Variants in ACP7 observed in about 807,000 individuals in gnomAD.
The protein encoded by ACP7 is acid phosphatase 7, tartrate resistant (putative), also known as acid phosphatase type 7.
A neutral mutation model predicts 60.6 loss-of-function variants in ACP7; 58 were observed. That is an observed-to-expected ratio of 0.96 (90% CI 0.77 to 1.19). The LOEUF (loss-of-function observed/expected upper bound fraction) is 1.19, where lower values mean the gene tolerates loss of function less well. Among genes scored for constraint, ACP7 ranks in the 50% most tolerant of loss-of-function variants. The pLI is 0.00. For synonymous variants in ACP7, 237 were observed against 232.6 expected, an observed-to-expected ratio of 1.02 and a Z score of -0.17; for missense variants, 574 against 596.2, an observed-to-expected ratio of 0.96 and a Z score of 0.39.
At chr19:39,098,222 C>G (rs1176584574) in intron 2 of ACP7, among the ~76,000 whole-genome samples, 1 of 133,416 alleles carries the variant, frequency 7.5e-6, no homozygotes, top group African/African-American at 2.8e-5. Context: ...CCACTGTACT[C>G]CAGCCTAGGA....
rs769646403 is a variant in ACP7, at chr19:39,100,831, G to T, written c.785G>T (p.Arg262Leu). ...YGRHLVQRQF[R>L]WLESDLQKAN... Reference sequence around the variant, plus strand: ...CGCCACTTGGTACAGAGGCAGTTTCGCTGGCTGGAGAGCGACCTCCAGGTA... The same window carrying T: ...CGCCACTTGGTACAGAGGCAGTTTCTCTGGCTGGAGAGCGACCTCCAGGTA... Residue 262 changes from arginine to leucine, a missense_variant, in exon 7 of 13, where the codon CGC becomes CTC. Transcript: ENST00000331256. 5 of 1,613,716 alleles carry T rather than the reference G, an allele frequency of 3.1e-6. No homozygotes were observed. The highest frequency in any genetic ancestry group is 4.2e-6 in the Non-Finnish European group (5 of 1,179,972).
At chr19:39,084,580 T>C (rs531971523) in intron 1 of ACP7, among the ~76,000 whole-genome samples, 180 bp downstream of exon 1, 6 of 150,866 alleles carry the variant, frequency 4.0e-5, no homozygotes, top group Admixed American at 1.3e-4. Flanking sequence ...GCTCTGGCCA[T>C]GATGGGCTCT....
At chr19:39,103,800 C>G (rs557204947) in intron 11 of ACP7, among the ~76,000 whole-genome samples, 1 of 152,218 alleles carries the variant, frequency 6.6e-6, no homozygotes, top group South Asian at 2.1e-4. Context: ...TGCACTCTAA[C>G]CTGGGGACAG....
At chr19:39,102,514 G>A (rs866640959) in intron 11 of ACP7, among the ~76,000 whole-genome samples, 1 of 151,860 alleles carries the variant, frequency 6.6e-6, no homozygotes, top group African/African-American at 2.4e-5. Flanking sequence ...TGGTAGAGAT[G>A]GGATTTCACC....
rs773318931 is a variant in ACP7 at position 39,101,180 on chromosome 19, G to A, written c.946G>A (p.Gly316Arg). Reference sequence around the variant, plus strand: ...CAAAGGCCTCCAAGGCAAGCTGTACGGGTTGGAGGATCTTTTCTACAAATA... The same window carrying A: ...CAAAGGCCTCCAAGGCAAGCTGTACAGGTTGGAGGATCTTTTCTACAAATA... ...VRKGLQGKLY[G>R]LEDLFYKYGV... is the part of the protein sequence containing the mutation. Residue 316 changes from glycine to arginine, a missense_variant, in exon 9 of 13, where the codon GGG becomes AGG. Physicochemically the swap from Gly to Arg is moderately radical, Grantham distance 125. Transcript: ENST00000331256. 25 of 1,614,136 alleles carry A rather than the reference G, an allele frequency of 1.5e-5. No homozygotes were observed. Among genetic ancestry groups the A allele is most frequent in the East Asian group, 2.2e-5 (1 of 44,870 alleles).
chr19:39,106,816 G>A lies in ACP7; in HGVS notation c.1114-131G>A, dbSNP rs1293667241. ...TGGAATTACAGGCATGAGCCACTGC[G>A]CCCGGCCTCTATGGTGGTCAAGTCT... On this transcript the variant is annotated intron_variant, in intron 11 of 12. Coordinates refer to ENST00000331256, the MANE Select transcript of ACP7 (RefSeq NM_001004318.3). The A allele has an allele frequency of 3.6e-5, 40 of 1,112,856 alleles. No individual in the cohort carries two copies. The East Asian group carries it at 6.5e-4, about 18-fold the overall frequency. 68.9% of individuals were successfully genotyped at this position (1,112,856 alleles called of 1,614,324 possible).
At chr19:39,107,401 T>C (rs902809341) in intron 12 of ACP7, among the ~76,000 whole-genome samples, 2 of 151,072 alleles carry the variant, frequency 1.3e-5, no homozygotes, top group African/African-American at 4.9e-5. Flanking sequence ...GCTAACATGG[T>C]GAAACCCCTT....
chr19:39,102,159 A>ACACACAC (rs1183301469), intron 11 of ACP7, among the ~76,000 whole-genome samples: 3 of 107,362 alleles, frequency 2.8e-5, no homozygotes, highest in African/African-American at 1.3e-4. Flanking sequence ...CACACACACA[A>ACACACAC]AAGATACTGG....
In ACP7 at chr19:39,085,182, C is replaced by A. The variant is rs1425726179; in HGVS notation, c.-88C>A. On this transcript the variant is annotated 5_prime_UTR_variant, in exon 2 of 13. Transcript: ENST00000331256. ...TGCCTGATCATCCTCTGTTCCCCAT[C>A]CTCCCAGCCCTTCCTGCTGTACCTG... is the stretch of plus-strand genomic sequence containing the variant. The A allele has an allele frequency of 2.0e-6, 3 of 1,477,774 alleles. No homozygotes were observed. Among genetic ancestry groups the A allele is most frequent in the Non-Finnish European group, 2.7e-6 (3 of 1,100,720 alleles). 91.5% of individuals were successfully genotyped at this position (1,477,774 alleles called of 1,614,324 possible).
intron 4 of ACP7, among the ~76,000 whole-genome samples, chr19:39,099,906 C>T (rs7253452): frequency 0.63 from 94,194 of 149,626 alleles, 29,808 homozygotes; most frequent in African/African-American, 0.69. Context: ...GGCAGGAGAA[C>T]CGCTTGAACC....
At chr19:39,102,757 T>TTCTG (rs1568482704) in intron 11 of ACP7, among the ~76,000 whole-genome samples, 3 of 84,456 alleles carry the variant, frequency 3.6e-5, no homozygotes, top group Admixed American at 1.3e-4. Context: ...CTTTCTTTCT[T>TTCTG]TCTTTCTTTC....
rs28633075 is a variant in ACP7 at position 39,085,230 on chromosome 19, C to T, written c.-40C>T. The stretch of plus-strand genomic sequence containing the variant: ...CTGTGGGGAGCTGATCTCCTCAGTC[C>T]CCCTGCTTTTCCCCGGTCTGCCATC... On this transcript the variant is annotated 5_prime_UTR_variant, in exon 2 of 13. Coordinates refer to ENST00000331256, the MANE Select transcript of ACP7 (RefSeq NM_001004318.3). 6,721 of 1,596,790 alleles carry T rather than the reference C, an allele frequency of 4.2e-3. 241 individuals carry two copies. The African/African-American group carries it at 0.074, about 18-fold the overall frequency.
chr19:39,097,355 A>C (rs558305001), intron 2 of ACP7, among the ~76,000 whole-genome samples: 25 of 150,726 alleles, frequency 1.7e-4, no homozygotes, highest in African/African-American at 6.1e-4. Context: ...GTGAGCCGAG[A>C]ATGCGCCATT....
At chr19:39,096,752 G>A (rs932512689) in intron 2 of ACP7, among the ~76,000 whole-genome samples, 1 of 152,158 alleles carries the variant, frequency 6.6e-6, no homozygotes, top group African/African-American at 2.4e-5. Flanking sequence ...ATATGGCTGG[G>A]GAGGCCTCAG....
intron 2 of ACP7, among the ~76,000 whole-genome samples, chr19:39,097,022 G>A (rs1307479551): frequency 1.3e-5 from 2 of 152,088 alleles, no homozygotes; most frequent in Middle Eastern, 3.2e-3. Flanking sequence ...GGATGGTCTC[G>A]ATCTCCTGAC....
chr19:39,091,659 C>T (rs1388918914), intron 2 of ACP7, among the ~76,000 whole-genome samples: 1 of 152,054 alleles, frequency 6.6e-6, no homozygotes, highest in Non-Finnish European at 1.5e-5. Flanking sequence ...CACAGTGGCT[C>T]AGCACTTTGG....
rs190322532 is a variant in ACP7 at position 39,091,289 on chromosome 19, A to G, written c.121+5899A>G. ...GCGATTCTCCTGCCTCAGCCTCCCA[A>G]GTAGCTGGGACTACAGGCGTGCACC... On this transcript the variant is annotated intron_variant, in intron 2 of 12. Coordinates refer to ENST00000331256, the MANE Select transcript of ACP7 (RefSeq NM_001004318.3). Among the ~76,000 whole-genome samples, 396 of 151,890 alleles carry G rather than the reference A, an allele frequency of 2.6e-3. 1 individual carries two copies. Among genetic ancestry groups the G allele is most frequent in the African/African-American group, 9.0e-3 (374 of 41,450 alleles).
rs571704198 is a variant in ACP7, at chr19:39,100,213, G to C, written c.506-14G>C. Reference sequence around the variant, plus strand: ...GGGCCTGGGTCCTCACCCTCCTTCCGCCCCCTCCCCCAGGAGACTTTGCCT... The same window carrying C: ...GGGCCTGGGTCCTCACCCTCCTTCCCCCCCCTCCCCCAGGAGACTTTGCCT... On this transcript the variant is annotated splice_polypyrimidine_tract_variant and intron_variant, in intron 4 of 12. Transcript: ENST00000331256. The C allele has an allele frequency of 1.9e-6, 3 of 1,612,746 alleles. No homozygotes were observed. The highest frequency in any genetic ancestry group is 2.2e-5 in the East Asian group (1 of 44,788).
intron 2 of ACP7, among the ~76,000 whole-genome samples, chr19:39,095,536 G>A (rs758880297): frequency 2.0e-5 from 3 of 152,214 alleles, no homozygotes; most frequent in Non-Finnish European, 4.4e-5. Context: ...CTCCCTCCTG[G>A]CTGCTTTCAC....
Sources: allele counts gnomAD v4.1 joint callset (sites outside exome capture counted in the v4.1 genomes callset), GRCh38; gene constraint gnomAD v4.1.1; transcripts MANE v1.5; gene names NCBI Gene and HGNC (gene_info 2026-07-23, HGNC 2026-07-21).